GPR171: variants seen among roughly 807,000 people sequenced by gnomAD.
GPR171 encodes the protein G protein-coupled receptor 171, also known as F730001G15Rik.
A neutral mutation model predicts 16.7 loss-of-function variants in GPR171; 14 were observed. The ratio of observed to expected loss-of-function variants is 0.84; its 90% confidence interval spans 0.55 to 1.31. GPR171 has a LOEUF of 1.31. Ranked by LOEUF, GPR171 falls within the 40% of genes most tolerant of loss-of-function variation. The probability of loss-of-function intolerance (pLI) is 0.00; values close to 1 mark genes in which losing one functional copy is unlikely to be tolerated. For synonymous variants in GPR171, 134 were observed against 135.6 expected, an observed-to-expected ratio of 0.99 and a Z score of 0.08; for missense variants, 337 against 378.9, an observed-to-expected ratio of 0.89 and a Z score of 0.92.
intron 1 of GPR171, among the ~76,000 whole-genome samples, chr3:151,201,601 A>C (rs974990241): frequency 6.6e-5 from 10 of 152,214 alleles, no homozygotes; most frequent in African/African-American, 2.4e-4. Flanking sequence ...TCATCTTCTA[A>C]GCGCTCTGCA....
chr3:151,200,627 C>CAG (rs1303524700), intron 2 of GPR171, among the ~76,000 whole-genome samples: 3 of 152,162 alleles, frequency 2.0e-5, no homozygotes, highest in African/African-American at 7.2e-5. Context: ...TGTATGCAAA[C>CAG]AGATGAATAA....
Position 151,198,337 on chromosome 3 carries a change from TTTTTG to T in GPR171, c.*85_*89del. The T allele has an allele frequency of 5.9e-6, 6 of 1,011,040 alleles. No individual in the cohort carries two copies. The highest frequency in any genetic ancestry group is 2.6e-5 in the East Asian group (1 of 38,868). 62.6% of individuals were successfully genotyped at this position (1,011,040 alleles called of 1,614,324 possible). On this transcript the variant is annotated 3_prime_UTR_variant, in exon 3 of 3. Coordinates refer to ENST00000309180, the MANE Select transcript of GPR171 (RefSeq NM_013308.4). Reference sequence around the variant, plus strand: ...ACTGTATTTTTTCATACTGAGTTTTTTTTTGTTTTTTTTTTTTTTATCTTTCAAAG... The same window carrying T: ...ACTGTATTTTTTCATACTGAGTTTTTTTTTTTTTTTTTTTATCTTTCAAAG...
chr3:151,199,266 G>A lies in GPR171; in HGVS notation c.121C>T (p.Gln41Ter). Residue 41 changes from glutamine to a stop codon, truncating the protein, a stop_gained, in exon 3 of 3, where the codon CAG (glutamine) becomes TAG (stop). Coordinates refer to ENST00000309180, the MANE Select transcript of GPR171 (RefSeq NM_013308.4). LOFTEE classifies it high-confidence loss of function. ...ACACACCTGTGATTCGTATTCTTCT[G>A]TATAAAAGCCCAGGTTGCAAAACAA... ...GSCFATWAFI[Q>*]KNTNHRCVSI... 1 of 1,613,988 alleles carries A rather than the reference G, an allele frequency of 6.2e-7. No individual in the cohort carries two copies. Among genetic ancestry groups the A allele is most frequent in the Non-Finnish European group, 8.5e-7 (1 of 1,179,938 alleles).
intron 1 of GPR171, among the ~76,000 whole-genome samples, chr3:151,201,603 C>T (rs532753134): frequency 2.0e-5 from 3 of 152,300 alleles, no homozygotes; most frequent in South Asian, 2.1e-4. Context: ...ATCTTCTAAG[C>T]GCTCTGCATT....
chr3:151,202,204 T>C (rs548307835), intron 1 of GPR171, among the ~76,000 whole-genome samples: 1 of 152,376 alleles, frequency 6.6e-6, no homozygotes, highest in East Asian at 1.9e-4. Flanking sequence ...TAAAATATTG[T>C]ATAATAACAT....
chr3:151,199,830 G>GT (rs1489946158), intron 2 of GPR171, among the ~76,000 whole-genome samples: 7 of 152,016 alleles, frequency 4.6e-5, no homozygotes, highest in Non-Finnish European at 1.0e-4. Flanking sequence ...AGGCCTTCTG[G>GT]TTTTTTTCTT....
At chr3:151,202,016 A>G (rs886233046) in intron 1 of GPR171, among the ~76,000 whole-genome samples, 1 of 152,242 alleles carries the variant, frequency 6.6e-6, no homozygotes, top group African/African-American at 2.4e-5. Context: ...CTCTGTAGCT[A>G]GAACTGACGA....
rs947100877 is a variant in GPR171, at chr3:151,198,714, T to C, written c.673A>G (p.Ile225Val). Reference sequence around the variant, plus strand: ...ATGTAGCCCGTGGTCACTAAAAGTATGTTGATGAGAGCCTTTTTCACATTT... The same window carrying C: ...ATGTAGCCCGTGGTCACTAAAAGTACGTTGATGAGAGCCTTTTTCACATTT... Reference protein sequence around the residue: ...YPNVKKALINILLVTTGYIIC... With the variant: ...YPNVKKALINVLLVTTGYIIC... The change falls in exon 3 of 3, where the codon ATA becomes GTA. Residue 225 changes from isoleucine to valine, a missense_variant. By Grantham distance (29) the Ile-to-Val change is conservative. Coordinates refer to ENST00000309180, the MANE Select transcript of GPR171 (RefSeq NM_013308.4). 2 of 1,613,774 alleles carry C rather than the reference T, an allele frequency of 1.2e-6. No individual in the cohort carries two copies. The highest frequency in any genetic ancestry group is 1.3e-5 in the African/African-American group (1 of 74,908).
At chr3:151,199,515 C>T in intron 2 of GPR171, 76 bp from the exon 3 acceptor site, 2 of 760,484 alleles carry the variant, frequency 2.6e-6, no homozygotes, top group East Asian at 2.6e-5. Context: ...TTGGTCTTCA[C>T]AATACCGTTG....
In GPR171 at chr3:151,198,963, C is replaced by T; in HGVS notation, c.424G>A (p.Val142Ile). The change falls in exon 3 of 3, where the codon GTC becomes ATC. Residue 142 changes from valine (V) to isoleucine (I), a missense_variant. Val to Ile is a conservative substitution (Grantham distance 29). Coordinates refer to ENST00000309180, the MANE Select transcript of GPR171 (RefSeq NM_013308.4). ...KMISTVVWLM[V>I]LLIMVPNMMI... ...ATATTTGGCACCATTATAAGAAGGA[C>T]CATTAGCCACACAACGGTTGATATC... is the stretch of plus-strand genomic sequence containing the variant. The T allele has an allele frequency of 6.2e-7, 1 of 1,613,882 alleles. No homozygotes were observed. The highest frequency in any genetic ancestry group is 8.5e-7 in the Non-Finnish European group (1 of 1,179,910).
chr3:151,198,827 A>G lies in GPR171; in HGVS notation c.560T>C (p.Ile187Thr), dbSNP rs2149135286. 6.2e-7 allele frequency: 1 copy of G among 1,613,354 alleles called. No individual in the cohort carries two copies. Among genetic ancestry groups the G allele is most frequent in the East Asian group, 2.2e-5 (1 of 44,872 alleles). ...HLLTNFICVA[I>T]FLNFSAIILI... Reference sequence around the variant, plus strand: ...AATGATGGCTGAGAAATTTAAAAATATTGCTACACATATGAAATTTGTCAG... The same window carrying G: ...AATGATGGCTGAGAAATTTAAAAATGTTGCTACACATATGAAATTTGTCAG... Residue 187 changes from isoleucine to threonine, a missense_variant, in exon 3 of 3, where the codon ATA becomes ACA. Coordinates refer to ENST00000309180, the MANE Select transcript of GPR171 (RefSeq NM_013308.4).
rs373664110 is a variant in GPR171 at position 151,198,423 on chromosome 3, T to C, written c.*4A>G. On this transcript the variant is annotated 3_prime_UTR_variant, in exon 3 of 3. Transcript: ENST00000309180. Reference sequence around the variant, plus strand: ...AGAATTGGTAGCACAAAAAATCCTGTCTTTTATGCATTATTTTCACATCTT... The same window carrying C: ...AGAATTGGTAGCACAAAAAATCCTGCCTTTTATGCATTATTTTCACATCTT... 6.9e-6 allele frequency: 11 copies of C among 1,588,922 alleles called. No homozygotes were observed. The African/African-American group carries it at 1.4e-4, about 20-fold the overall frequency.
chr3:151,198,659 C>T lies in GPR171; in HGVS notation c.728G>A (p.Arg243Gln), dbSNP rs1725045094. The T allele has an allele frequency of 2.5e-6, 4 of 1,613,976 alleles. No homozygotes were observed. The highest frequency in any genetic ancestry group is 3.4e-6 in the Non-Finnish European group (4 of 1,179,948). Residue 243 changes from arginine (R) to glutamine (Q), a missense_variant, in exon 3 of 3, where the codon CGA (arginine) becomes CAA (glutamine). Coordinates refer to ENST00000309180, the MANE Select transcript of GPR171 (RefSeq NM_013308.4). ...IICFVPYHIV[R>Q]IPYTLSQTEV... ...TGTCTGGCTGAGGGTATACGGGATT[C>T]GGACAATGTGGTAAGGAACAAAGCA...
rs777704954 is a variant in GPR171, at chr3:151,198,368, C to G, written c.*59G>C. ...TTTTTTTTTTTTTTATCTTTCAAAG[C>G]TATAATTAACTTTATGGTCCAGTAA... On this transcript the variant is annotated 3_prime_UTR_variant, in exon 3 of 3. Coordinates refer to ENST00000309180, the MANE Select transcript of GPR171 (RefSeq NM_013308.4). 265 of 1,059,054 alleles carry G rather than the reference C, an allele frequency of 2.5e-4. 1 individual carries two copies. The highest frequency in any genetic ancestry group is 3.2e-4 in the Non-Finnish European group (246 of 774,016). The allele number at this position is 1,059,054 out of a possible 1,614,324, so 65.6% of individuals were successfully genotyped here. A position where few individuals can be genotyped will look rare whatever the true frequency, so the allele number is the denominator to read the frequency against.
At position 151,198,346 on chromosome 3, in the gene GPR171, T is replaced by TG. The variant is rs1724975971; in HGVS notation, c.*80_*81insC. On this transcript the variant is annotated 3_prime_UTR_variant, in exon 3 of 3. Coordinates refer to ENST00000309180, the MANE Select transcript of GPR171 (RefSeq NM_013308.4). ...TTTCATACTGAGTTTTTTTTTGTTTTTTTTTTTTTTATCTTTCAAAGCTAT... is the reference window on the plus strand; with the variant it reads ...TTTCATACTGAGTTTTTTTTTGTTTTGTTTTTTTTTTATCTTTCAAAGCTAT... 34 of 1,073,458 alleles carry TG rather than the reference T, an allele frequency of 3.2e-5. No individual in the cohort carries two copies. In the African/African-American group the frequency reaches 4.9e-4, roughly 15 times the overall value. 66.5% of individuals were successfully genotyped at this position (1,073,458 alleles called of 1,614,324 possible). A position where few individuals can be genotyped will look rare whatever the true frequency, so the allele number is the denominator to read the frequency against.
rs747740700 is a variant in GPR171 at position 151,199,070 on chromosome 3, G to A, written c.317C>T (p.Ala106Val). 2.5e-6 allele frequency: 4 copies of A among 1,613,948 alleles called. No individual in the cohort carries two copies. Among genetic ancestry groups the A allele is most frequent in the East Asian group, 2.2e-5 (1 of 44,872 alleles). The stretch of plus-strand genomic sequence containing the variant: ...AAGACAGCGGTCAATGCTGACAAAT[G>A]CTAAGAAGATAATTGATAAATACAT... ...INMYLSIIFL[A>V]FVSIDRCLQL... is the part of the protein sequence containing the mutation. The change falls in exon 3 of 3, where the codon GCA becomes GTA. Residue 106 changes from alanine to valine, a missense_variant. Transcript: ENST00000309180.
intron 1 of GPR171, 105 bp downstream of exon 1, chr3:151,202,999 A>G (rs1725854306): frequency 7.1e-6 from 1 of 141,434 alleles, no homozygotes. Flanking sequence ...CTTTTTTTTT[A>G]TACAGCTTGG....
chr3:151,202,159 T>C (rs746327566), intron 1 of GPR171, among the ~76,000 whole-genome samples: 1 of 152,230 alleles, frequency 6.6e-6, no homozygotes, highest in Non-Finnish European at 1.5e-5. Context: ...AACAAATCTG[T>C]TTATTTAAAA....
chr3:151,198,402 T>C lies in GPR171; in HGVS notation c.*25A>G, dbSNP rs766096054. On this transcript the variant is annotated 3_prime_UTR_variant, in exon 3 of 3. Transcript: ENST00000309180. ...ACTTTATGGTCCAGTAAGGCCAGAA[T>C]TGGTAGCACAAAAAATCCTGTCTTT... 2 of 1,548,176 alleles carry C rather than the reference T, an allele frequency of 1.3e-6. No individual in the cohort carries two copies. Among genetic ancestry groups the C allele is most frequent in the East Asian group, 2.3e-5 (1 of 44,210 alleles).
Sources: allele counts gnomAD v4.1 joint callset (sites outside exome capture counted in the v4.1 genomes callset), GRCh38; gene constraint gnomAD v4.1.1; transcripts MANE v1.5; gene names NCBI Gene and HGNC (gene_info 2026-07-23, HGNC 2026-07-21).